TSPAN18: variants seen among roughly 807,000 people sequenced by gnomAD.
TSPAN18 encodes the protein tetraspanin-18.
TSPAN18 carries 14 observed loss-of-function variants against 27.3 expected under a neutral mutation model. The observed-to-expected ratio is 0.51, with a 90% CI of 0.34 to 0.80. The LOEUF (loss-of-function observed/expected upper bound fraction) is 0.80. TSPAN18 is among the 30% of genes least tolerant of loss of function. The pLI, the probability that TSPAN18 is intolerant of heterozygous loss-of-function variation, is 0.01. For synonymous variants in TSPAN18, 143 were observed against 136.5 expected (o/e 1.05, Z -0.33); for missense variants, 268 against 323.9 (o/e 0.83, Z 1.32).
At chr11:44,810,008 G>A (rs2135094339) in intron 2 of TSPAN18, among the ~76,000 whole-genome samples, 1 of 152,306 alleles carries the variant, frequency 6.6e-6, no homozygotes, top group South Asian at 2.1e-4. Context: ...AGGAAGTGAT[G>A]GAGCGAGAGT....
At chr11:44,907,015 T>G (rs745548033) in intron 4 of TSPAN18, among the ~76,000 whole-genome samples, 33 of 152,360 alleles carry the variant, frequency 2.2e-4, no homozygotes, top group Non-Finnish European at 3.7e-4. Context: ...TCTTCATCTC[T>G]TAATGACCTT....
intron 3 of TSPAN18, among the ~76,000 whole-genome samples, chr11:44,883,386 G>A (rs1175895041): frequency 6.6e-6 from 1 of 152,188 alleles, no homozygotes; most frequent in African/African-American, 2.4e-5. Flanking sequence ...TGGCACAGTG[G>A]CCCTCGGTAG....
intron 8 of TSPAN18, among the ~76,000 whole-genome samples, chr11:44,923,210 ACGTGTGGGAAGCATTG>A (rs1860210414): frequency 6.6e-6 from 1 of 152,144 alleles, no homozygotes; most frequent in Non-Finnish European, 1.5e-5. Context: ...CTGGAGATGT[ACGTGTGGGAAGCATTG>A]CGTGTGGGTG....
At chr11:44,748,670 C>A (rs1015387038) in intron 1 of TSPAN18, among the ~76,000 whole-genome samples, 4 of 152,168 alleles carry the variant, frequency 2.6e-5, no homozygotes, top group African/African-American at 4.8e-5. Flanking sequence ...TTTAGAGAAG[C>A]CACAGTGTCA....
At chr11:44,844,197 CTGTT>C (rs1350496349) in intron 2 of TSPAN18, among the ~76,000 whole-genome samples, 2 of 152,332 alleles carry the variant, frequency 1.3e-5, no homozygotes, top group African/African-American at 2.4e-5. Context: ...GCCGGTCCCT[CTGTT>C]TGGGGTCCCT....
At chr11:44,730,603 G>A (rs1854629392) in intron 1 of TSPAN18, among the ~76,000 whole-genome samples, 1 of 151,922 alleles carries the variant, frequency 6.6e-6, no homozygotes, top group South Asian at 2.1e-4. Flanking sequence ...ATCTGAGGGA[G>A]TGGGGGTGGA....
chr11:44,913,936 A>G (rs1183041057), intron 5 of TSPAN18, among the ~76,000 whole-genome samples: 1 of 152,256 alleles, frequency 6.6e-6, no homozygotes, highest in Admixed American at 6.5e-5. Context: ...AAGCAGGAGG[A>G]CATTTTCATG....
chr11:44,780,580 C>T (rs1329895872), intron 2 of TSPAN18, among the ~76,000 whole-genome samples: 2 of 152,250 alleles, frequency 1.3e-5, no homozygotes, highest in Non-Finnish European at 2.9e-5. Flanking sequence ...CCAACTTCAT[C>T]ATTTCCTTCA....
intron 1 of TSPAN18, among the ~76,000 whole-genome samples, chr11:44,752,088 C>CA (rs1439985839): frequency 1.3e-5 from 2 of 152,134 alleles, no homozygotes; most frequent in Non-Finnish European, 2.9e-5. Flanking sequence ...CACTAGGCCC[C>CA]AACACACCAA....
In TSPAN18 at chr11:44,809,704, C is replaced by T. The variant is rs116084510; in HGVS notation, c.-153+45192C>T. ...ATGCCATGGGCAAGGCAGGCTGGCA[C>T]CATGGCTGAGAGCAGCATGCGCTTC... On this transcript the variant is annotated intron_variant, in intron 2 of 9. Coordinates refer to ENST00000520358, the MANE Select transcript of TSPAN18 (RefSeq NM_130783.5). Among the ~76,000 whole-genome samples the T allele has an allele frequency of 6.0e-3, 912 of 152,264 alleles. 12 individuals are homozygous for T. The highest frequency in any genetic ancestry group is 0.02 in the African/African-American group (849 of 41,524).
chr11:44,836,031 T>G (rs1428210609), intron 2 of TSPAN18, among the ~76,000 whole-genome samples: 1 of 152,112 alleles, frequency 6.6e-6, no homozygotes, highest in Non-Finnish European at 1.5e-5. Flanking sequence ...TATTTCCAAC[T>G]ACATAACAAT....
Position 44,932,232 on chromosome 11 carries a change from C to CTATG in TSPAN18, c.*3056_*3059dup, listed in dbSNP as rs909462723. On this transcript the variant is annotated 3_prime_UTR_variant, in exon 10 of 10. Coordinates refer to ENST00000520358, the MANE Select transcript of TSPAN18 (RefSeq NM_130783.5). Reference sequence around the variant, plus strand: ...ATATGTTGAAAGTCTATTTTAAAAACTATGTTCCTTGCCGTAGATTGCAGA... The same window carrying CTATG: ...ATATGTTGAAAGTCTATTTTAAAAACTATGTATGTTCCTTGCCGTAGATTGCAGA... 2 of 152,092 alleles carry CTATG rather than the reference C, an allele frequency of 1.3e-5. No homozygotes were observed. Among genetic ancestry groups the CTATG allele is most frequent in the African/African-American group, 4.8e-5 (2 of 41,362 alleles). The allele number at this position is 152,092 out of a possible 1,614,324, so 9.4% of individuals were successfully genotyped here. A position where few individuals can be genotyped will look rare whatever the true frequency, so the allele number is the denominator to read the frequency against.
At chr11:44,859,685 C>T (rs760980907) in intron 2 of TSPAN18, 3 of 152,362 alleles carry the variant, frequency 2.0e-5, no homozygotes, top group African/African-American at 4.8e-5. Context: ...CCACAGCATG[C>T]AACAGGCTCC....
At chr11:44,752,356 C>T (rs904752033) in intron 1 of TSPAN18, among the ~76,000 whole-genome samples, 1 of 152,186 alleles carries the variant, frequency 6.6e-6, no homozygotes, top group South Asian at 2.1e-4. Context: ...CCCATCCCTT[C>T]TATTCAGCTC....
At chr11:44,892,040 C>T (rs969809756) in intron 3 of TSPAN18, among the ~76,000 whole-genome samples, 3 of 152,174 alleles carry the variant, frequency 2.0e-5, no homozygotes, top group Admixed American at 6.5e-5. Context: ...GGCCACCTGC[C>T]CCCTTGTGCC....
At chr11:44,813,396 CT>C (rs1446551443) in intron 2 of TSPAN18, among the ~76,000 whole-genome samples, 1 of 152,206 alleles carries the variant, frequency 6.6e-6, no homozygotes, top group Non-Finnish European at 1.5e-5. Flanking sequence ...AATCATGATA[CT>C]TCTTGCATTT....
At chr11:44,812,256 T>A (rs997336548) in intron 2 of TSPAN18, among the ~76,000 whole-genome samples, 1 of 152,206 alleles carries the variant, frequency 6.6e-6, no homozygotes, top group African/African-American at 2.4e-5. Flanking sequence ...ACTTAGCCTC[T>A]CTGGGCCTCA....
At chr11:44,774,126 C>T (rs1855751424) in intron 2 of TSPAN18, among the ~76,000 whole-genome samples, 1 of 152,206 alleles carries the variant, frequency 6.6e-6, no homozygotes, top group African/African-American at 2.4e-5. Context: ...TCTGCCGAGA[C>T]TCCCCAGAGA....
chr11:44,904,402 T>C (rs1859380813), intron 3 of TSPAN18, among the ~76,000 whole-genome samples: 1 of 152,246 alleles, frequency 6.6e-6, no homozygotes, highest in East Asian at 1.9e-4. Context: ...CCAAAGCCGA[T>C]GTGCCTGTCA....
Sources: gnomAD v4.1 joint callset for allele counts (sites outside exome capture counted in the v4.1 genomes callset) on GRCh38, gnomAD v4.1.1 for gene constraint, MANE v1.5 for transcripts, NCBI Gene and HGNC (gene_info 2026-07-23, HGNC 2026-07-21) for gene names.